EIF4E3: variants seen among roughly 807,000 people sequenced by gnomAD.
EIF4E3 encodes eukaryotic translation initiation factor 4E family member 3, also known as eukaryotic translation initiation factor 4E type 3.
In EIF4E3, 26 loss-of-function variants were observed where a neutral mutation model predicts 31.7. That is an observed-to-expected ratio of 0.82 (90% CI 0.60 to 1.14). The LOEUF is 1.14. EIF4E3 is among the 50% of genes most tolerant of loss of function. The pLI is 0.00. For missense variants in EIF4E3, 304 were observed against 270.9 expected, an observed-to-expected ratio of 1.12 and a Z score of -0.86; for synonymous variants, 128 against 107.7, an observed-to-expected ratio of 1.19 and a Z score of -1.17.
chr3:71,746,544 T>G (rs1445758362), intron 1 of EIF4E3, among the ~76,000 whole-genome samples: 1 of 152,170 alleles, frequency 6.6e-6, no homozygotes, highest in African/African-American at 2.4e-5. Flanking sequence ...AAATCACACC[T>G]TAAGAATCTG....
Position 71,676,162 on chromosome 3 carries a change from C to T in EIF4E3, c.*8520G>A, listed in dbSNP as rs1027927757. On this transcript the variant is annotated 3_prime_UTR_variant, in exon 7 of 7. Coordinates refer to ENST00000425534, the MANE Select transcript of EIF4E3 (RefSeq NM_001134651.2). ...GGGGTATCAATTGCTTATAGTGTGT[C>T]ATTTTGCACTCATCATTTAAAAGAC... 22 of 152,176 alleles carry T rather than the reference C, an allele frequency of 1.4e-4. No homozygotes were observed. Among genetic ancestry groups the T allele is most frequent in the African/African-American group, 5.1e-4 (21 of 41,448 alleles). 9.4% of individuals were successfully genotyped at this position (152,176 alleles called of 1,614,324 possible).
At chr3:71,708,888 C>A (rs2049334017) in intron 2 of EIF4E3, among the ~76,000 whole-genome samples, 2 of 152,188 alleles carry the variant, frequency 1.3e-5, no homozygotes, top group South Asian at 4.1e-4. Context: ...CTTGGCACTG[C>A]ACAGCAGCAC....
upstream of EIF4E3, among the ~76,000 whole-genome samples, chr3:71,726,023 A>G (rs145411195): frequency 7.2e-5 from 11 of 152,288 alleles, no homozygotes; most frequent in African/African-American, 2.6e-4. Context: ...AAAGGGCGAG[A>G]AAGAAGAACG....
At chr3:71,686,543 A>AGTGTGTGTGTGT (rs61264269) in intron 6 of EIF4E3, among the ~76,000 whole-genome samples, 1,513 of 143,580 alleles carry the variant, frequency 0.011, 20 homozygotes, top group South Asian at 0.04. Context: ...TTTCACATTG[A>AGTGTGTGTGTGT]GTGTGTGTGT....
intron 2 of EIF4E3, among the ~76,000 whole-genome samples, chr3:71,701,297 C>T (rs186715215): frequency 3.3e-5 from 5 of 152,284 alleles, no homozygotes; most frequent in Admixed American, 3.3e-4. Context: ...TGAACATTTA[C>T]ATGTTTATGC....
the EIF4E3 span, among the ~76,000 whole-genome samples, chr3:71,666,891 G>C: frequency 6.6e-6 from 1 of 151,932 alleles, no homozygotes; most frequent in Non-Finnish European, 1.5e-5. Flanking sequence ...GTGAGCCGAG[G>C]TCACGCCACT....
At chr3:71,736,287 A>G (rs2049762326) in intron 1 of EIF4E3, among the ~76,000 whole-genome samples, 1 of 152,224 alleles carries the variant, frequency 6.6e-6, no homozygotes, top group African/African-American at 2.4e-5. Flanking sequence ...ATGATCCAGC[A>G]ATTATACTCC....
At chr3:71,693,379 T>C (rs1225100770) in intron 5 of EIF4E3, among the ~76,000 whole-genome samples, 1 of 152,134 alleles carries the variant, frequency 6.6e-6, no homozygotes, top group Non-Finnish European at 1.5e-5. Flanking sequence ...TCTAGTCCTC[T>C]TTGAGCAGGG....
At chr3:71,671,839 A>G (rs561150643), downstream of EIF4E3, among the ~76,000 whole-genome samples, 1 of 152,154 alleles carries the variant, frequency 6.6e-6, no homozygotes, top group South Asian at 2.1e-4. Flanking sequence ...TGGGAAGGAC[A>G]TGAAGCACCC....
chr3:71,695,686 A>G (rs1194315424), intron 4 of EIF4E3, among the ~76,000 whole-genome samples: 2 of 152,222 alleles, frequency 1.3e-5, no homozygotes, highest in Non-Finnish European at 2.9e-5. Flanking sequence ...AAATGACTCC[A>G]GCTCAAGCAT....
At chr3:71,752,040 T>C (rs2049934155) in intron 1 of EIF4E3, among the ~76,000 whole-genome samples, 1 of 152,232 alleles carries the variant, frequency 6.6e-6, no homozygotes, top group Non-Finnish European at 1.5e-5. Context: ...AGCCACTTGC[T>C]GCTGGCCACT....
At position 71,681,113 on chromosome 3, in the gene EIF4E3, A is replaced by G. The variant is rs1460183399; in HGVS notation, c.*3569T>C. 6.6e-6 allele frequency: 1 copy of G among 152,228 alleles called. No individual in the cohort carries two copies. The highest frequency in any genetic ancestry group is 1.9e-4 in the East Asian group (1 of 5,202). 9.4% of individuals were successfully genotyped at this position (152,228 alleles called of 1,614,324 possible). The stretch of plus-strand genomic sequence containing the variant: ...CCAATGAGAGCCTAGGATTTGAGAT[A>G]TTTTAAGCACATCTGGAGCGATCTA... On this transcript the variant is annotated 3_prime_UTR_variant, in exon 7 of 7. Transcript: ENST00000425534.
the EIF4E3 span, among the ~76,000 whole-genome samples, chr3:71,662,298 G>A: frequency 2.6e-5 from 4 of 151,590 alleles, no homozygotes; most frequent in South Asian, 8.3e-4. Context: ...GCCACTCACC[G>A]ACCAGCTAAG....
the EIF4E3 span, among the ~76,000 whole-genome samples, chr3:71,664,077 G>C: frequency 4.6e-5 from 7 of 152,288 alleles, no homozygotes; most frequent in East Asian, 1.4e-3. Context: ...ATCCAGAAAA[G>C]GCTGCAGACT....
In EIF4E3 at chr3:71,682,481, G is replaced by T. The variant is rs1030429773; in HGVS notation, c.*2201C>A. The T allele has an allele frequency of 6.6e-6, 1 of 152,138 alleles. No individual in the cohort carries two copies. The highest frequency in any genetic ancestry group is 2.4e-5 in the African/African-American group (1 of 41,414). 9.4% of individuals were successfully genotyped at this position (152,138 alleles called of 1,614,324 possible). A position where few individuals can be genotyped will look rare whatever the true frequency, so the allele number is the denominator to read the frequency against. On this transcript the variant is annotated 3_prime_UTR_variant, in exon 7 of 7. Coordinates refer to ENST00000425534, the MANE Select transcript of EIF4E3 (RefSeq NM_001134651.2). Reference sequence around the variant, plus strand: ...AGAGGTTTTTAAACTGATTAAATCAGCTTAGTTCATACAAAGTCTATTATG... The same window carrying T: ...AGAGGTTTTTAAACTGATTAAATCATCTTAGTTCATACAAAGTCTATTATG...
At chr3:71,709,013 C>A (rs570187895) in intron 2 of EIF4E3, among the ~76,000 whole-genome samples, 4 of 152,240 alleles carry the variant, frequency 2.6e-5, no homozygotes, top group African/African-American at 9.6e-5. Context: ...ACACGCAGCA[C>A]CTTACAATCA....
At position 71,693,689 on chromosome 3, in the gene EIF4E3, C is replaced by G. The variant is rs181292254; in HGVS notation, c.472+186G>C. Among the ~76,000 whole-genome samples, 19 of 152,258 alleles carry G rather than the reference C, an allele frequency of 1.2e-4. No homozygotes were observed. In the East Asian group the frequency reaches 3.7e-3, roughly 29 times the overall value. On this transcript the variant is annotated intron_variant, in intron 5 of 6. Coordinates refer to ENST00000425534, the MANE Select transcript of EIF4E3 (RefSeq NM_001134651.2). ...ACATATGTAAATATGCATATGGACA[C>G]AGACACACATATCTAACACTGAACA...
Position 71,736,710 on chromosome 3 carries a change from A to G in EIF4E3, c.-290-8087T>C, listed in dbSNP as rs150119885. 2.4e-3 allele frequency among the ~76,000 whole-genome samples: 360 copies of G among 152,334 alleles called. 3 individuals carry two copies. The highest frequency in any genetic ancestry group is 8.4e-3 in the African/African-American group (351 of 41,564). On this transcript the variant is annotated intron_variant, in intron 1 of 7. Transcript: ENST00000295612. ...TTTTATGAAAATAAAACTATTCTGAATGATACTATAATGGTGGATACATGT... is the reference window on the plus strand; with the variant it reads ...TTTTATGAAAATAAAACTATTCTGAGTGATACTATAATGGTGGATACATGT...
intron 2 of EIF4E3, among the ~76,000 whole-genome samples, chr3:71,707,205 G>A (rs1228309159): frequency 2.6e-5 from 4 of 152,150 alleles, no homozygotes; most frequent in Non-Finnish European, 4.4e-5. Context: ...TATCATTTAA[G>A]TCTCATAACA....
Sources: gnomAD v4.1 joint callset for allele counts (sites outside exome capture counted in the v4.1 genomes callset) on GRCh38, gnomAD v4.1.1 for gene constraint, MANE v1.5 for transcripts, NCBI Gene and HGNC (gene_info 2026-07-23, HGNC 2026-07-21) for gene names.